The following SLC24A3 variants were observed in gnomAD, a reference collection of about 807,000 sequenced individuals.
SLC24A3 encodes the protein sodium/potassium/calcium exchanger 3.
Under a neutral mutation model 75.8 loss-of-function variants are expected in SLC24A3, and 28 were observed. The ratio of observed to expected loss-of-function variants is 0.37; its 90% CI spans 0.27 to 0.51. The LOEUF (loss-of-function observed/expected upper bound fraction) is 0.51. SLC24A3 is among the 20% of genes least tolerant of loss of function. The pLI, the probability that SLC24A3 is intolerant of heterozygous loss-of-function variation, is 0.94. For missense variants in SLC24A3, 663 were observed against 847.8 expected, an observed-to-expected ratio of 0.78 and a Z score of 2.71; for synonymous variants, 372 against 334.1, an observed-to-expected ratio of 1.11 and a Z score of -1.24.
At chr20:19,303,905 T>C (rs1021907455) in intron 2 of SLC24A3, among the ~76,000 whole-genome samples, 1 of 152,134 alleles carries the variant, frequency 6.6e-6, no homozygotes, top group Non-Finnish European at 1.5e-5. Context: ...TATTCACCCA[T>C]GGCTTCTGAG....
chr20:19,599,112 T>C (rs1301319089), intron 6 of SLC24A3, among the ~76,000 whole-genome samples: 2 of 152,132 alleles, frequency 1.3e-5, no homozygotes, highest in South Asian at 2.1e-4. Flanking sequence ...TATGAGAAAA[T>C]AGAGCCCAGA....
chr20:19,422,170 CTG>C lies in SLC24A3; in HGVS notation c.272-93317_272-93316del, dbSNP rs147696641. On this transcript the variant is annotated intron_variant, in intron 2 of 16. Transcript: ENST00000328041. ...GGGTAGAGCTGTCTGCAGGTAATCT[CTG>C]AGGGAATCTAAGTCTCCCCCACATG... Among the ~76,000 whole-genome samples the C allele has an allele frequency of 6.1e-4, 93 of 152,190 alleles. 1 individual carries two copies. In the East Asian group the frequency reaches 9.1e-3, roughly 15 times the overall value.
chr20:19,298,941 G>A (rs1359959843), intron 2 of SLC24A3, among the ~76,000 whole-genome samples: 1 of 152,146 alleles, frequency 6.6e-6, no homozygotes, highest in African/African-American at 2.4e-5. Flanking sequence ...GCCTTGGCAC[G>A]TCCAGCCTGC....
intron 1 of SLC24A3, chr20:19,261,673 GTGTCCAAGCT>G (rs1215389192): frequency 6.6e-6 from 1 of 152,222 alleles, no homozygotes; most frequent in Non-Finnish European, 1.5e-5. Context: ...AAAAATATCT[GTGTCCAAGCT>G]TGCTCATATA....
intron 6 of SLC24A3, among the ~76,000 whole-genome samples, chr20:19,587,871 T>A (rs1172330625): frequency 1.3e-5 from 2 of 152,210 alleles, no homozygotes; most frequent in African/African-American, 4.8e-5. Flanking sequence ...TCAGTCTCAG[T>A]TAGACACCAT....
At chr20:19,611,270 C>CCA (rs1375550503) in intron 6 of SLC24A3, among the ~76,000 whole-genome samples, 5 of 152,214 alleles carry the variant, frequency 3.3e-5, no homozygotes, top group African/African-American at 1.2e-4. Flanking sequence ...TGCAAGATTC[C>CCA]TCACTTCTCT....
intron 1 of SLC24A3, among the ~76,000 whole-genome samples, chr20:19,251,401 G>T (rs942777238): frequency 6.6e-6 from 1 of 152,196 alleles, no homozygotes; most frequent in East Asian, 1.9e-4. Flanking sequence ...TGTCTGTTTC[G>T]CCAGTGTCTT....
intron 1 of SLC24A3, among the ~76,000 whole-genome samples, chr20:19,268,006 T>C (rs1389190559): frequency 6.6e-6 from 1 of 152,234 alleles, no homozygotes; most frequent in Non-Finnish European, 1.5e-5. Flanking sequence ...GACATGTGCA[T>C]GGTGTAAAAA....
At chr20:19,444,206 T>C (rs1987343246) in intron 2 of SLC24A3, among the ~76,000 whole-genome samples, 1 of 152,218 alleles carries the variant, frequency 6.6e-6, no homozygotes, top group Admixed American at 6.5e-5. Context: ...GCGTATAATT[T>C]TTATATACCT....
chr20:19,371,425 G>A (rs1985991109), intron 2 of SLC24A3, among the ~76,000 whole-genome samples: 1 of 152,168 alleles, frequency 6.6e-6, no homozygotes. Flanking sequence ...ACAGCTGGGA[G>A]CACTGAGAAG....
intron 3 of SLC24A3, among the ~76,000 whole-genome samples, chr20:19,540,997 C>T (rs975907200): frequency 6.6e-6 from 1 of 152,164 alleles, no homozygotes; most frequent in African/African-American, 2.4e-5. Flanking sequence ...TGGATAACCC[C>T]GCACAACAAT....
intron 2 of SLC24A3, among the ~76,000 whole-genome samples, chr20:19,505,626 T>C (rs2032955389): frequency 6.6e-6 from 1 of 152,012 alleles, no homozygotes; most frequent in African/African-American, 2.4e-5. Context: ...CAGAGCTTAG[T>C]TGTGCTGGGA....
At chr20:19,514,447 G>A (rs2029944466) in intron 2 of SLC24A3, among the ~76,000 whole-genome samples, 1 of 152,220 alleles carries the variant, frequency 6.6e-6, no homozygotes, top group Non-Finnish European at 1.5e-5. Flanking sequence ...CTAAGAACTT[G>A]CTAGAGAAAG....
intron 2 of SLC24A3, among the ~76,000 whole-genome samples, chr20:19,359,560 T>C (rs1985749685): frequency 6.6e-6 from 1 of 152,112 alleles, no homozygotes; most frequent in Non-Finnish European, 1.5e-5. Flanking sequence ...GGAAGGATGT[T>C]GATAGAGATT....
intron 3 of SLC24A3, among the ~76,000 whole-genome samples, chr20:19,516,115 G>A (rs989578953): frequency 5.3e-5 from 8 of 152,296 alleles, no homozygotes; most frequent in African/African-American, 1.9e-4. Flanking sequence ...ATGGCAACTA[G>A]CACCATGTCT....
chr20:19,257,604 T>G (rs1310206175), intron 1 of SLC24A3: 1 of 152,212 alleles, frequency 6.6e-6, no homozygotes, highest in Non-Finnish European at 1.5e-5. Context: ...AGGAATTAAT[T>G]AAGAATGCCT....
At chr20:19,558,866 T>A (rs2030830517) in intron 3 of SLC24A3, among the ~76,000 whole-genome samples, 2 of 152,186 alleles carry the variant, frequency 1.3e-5, no homozygotes, top group Admixed American at 6.5e-5. Flanking sequence ...AGTACTAAAG[T>A]TCGTTCATCC....
chr20:19,516,774 A>C (rs1186762846), intron 3 of SLC24A3, among the ~76,000 whole-genome samples: 2 of 152,184 alleles, frequency 1.3e-5, no homozygotes, highest in Non-Finnish European at 2.9e-5. Flanking sequence ...CATTTCCACC[A>C]TTACAGTCAC....
chr20:19,221,577 T>A (rs370396842), intron 1 of SLC24A3, among the ~76,000 whole-genome samples: 1 of 152,198 alleles, frequency 6.6e-6, no homozygotes, highest in East Asian at 1.9e-4. Flanking sequence ...TCCTTCTACC[T>A]CTACACTTAG....
Sources: allele counts gnomAD v4.1 joint callset (sites outside exome capture counted in the v4.1 genomes callset), GRCh38; gene constraint gnomAD v4.1.1; transcripts MANE v1.5; gene names NCBI Gene and HGNC (gene_info 2026-07-23, HGNC 2026-07-21).